Variants in APOL5 observed in about 807,000 individuals in gnomAD.
APOL5 encodes the protein apolipoprotein L5, also known as apolipoprotein L, 5.
In APOL5, 29 loss-of-function variants were observed where a neutral mutation model predicts 35.5. That is an observed-to-expected ratio of 0.82 (90% CI 0.61 to 1.11). The LOEUF (loss-of-function observed/expected upper bound fraction) is 1.11. Among genes scored for constraint, APOL5 ranks in the 50% most tolerant of loss-of-function variants. The pLI is 0.00. For synonymous variants in APOL5, 188 were observed against 200.2 expected (o/e 0.94, Z 0.51); for missense variants, 514 against 530.4 (o/e 0.97, Z 0.30).
At chr22:35,725,011 T>C (rs1927100672) in intron 2 of APOL5, among the ~76,000 whole-genome samples, 1 of 152,184 alleles carries the variant, frequency 6.6e-6, no homozygotes, top group South Asian at 2.1e-4. Flanking sequence ...GTGCTCCTGC[T>C]AAAAACACAC....
chr22:35,725,495 C>T (rs1418488462), intron 2 of APOL5, among the ~76,000 whole-genome samples: 10 of 152,202 alleles, frequency 6.6e-5, no homozygotes, highest in South Asian at 2.1e-4. Context: ...CCCTGTGATC[C>T]GCTCGCCTGG....
intron 2 of APOL5, among the ~76,000 whole-genome samples, chr22:35,723,037 TCAGAAGGCCCCTCCCGCTTCCTC>T (rs1927027744): frequency 6.6e-6 from 1 of 152,064 alleles, no homozygotes; most frequent in South Asian, 2.1e-4. Flanking sequence ...AGGAAGGATG[TCAGAAGGCCCCTCCCGCTTCCTC>T]CAGGAGGGAG....
chr22:35,721,181 T>C lies in APOL5; in HGVS notation c.142+527T>C, dbSNP rs188584163. The stretch of plus-strand genomic sequence containing the variant: ...GTTGCTCATGTTGTCTCATGTGCAA[T>C]TGGAGATATGCAAAAAAGATAAAAT... On this transcript the variant is annotated intron_variant, in intron 2 of 4. Coordinates refer to ENST00000249044, the MANE Select transcript of APOL5 (RefSeq NM_030642.1). Among the ~76,000 whole-genome samples the C allele has an allele frequency of 9.2e-5, 14 of 152,244 alleles. No homozygotes were observed. In the East Asian group the frequency reaches 2.1e-3, roughly 23 times the overall value.
chr22:35,711,209 A>T, the APOL5 span, among the ~76,000 whole-genome samples: 3 of 152,074 alleles, frequency 2.0e-5, no homozygotes, highest in African/African-American at 4.8e-5. Context: ...ACAAACAAAA[A>T]AGACTTCCTT....
intron 2 of APOL5, among the ~76,000 whole-genome samples, chr22:35,725,682 G>A (rs556550202): frequency 2.0e-5 from 3 of 152,268 alleles, no homozygotes; most frequent in African/African-American, 7.2e-5. Context: ...GCGGGTTCCT[G>A]GGTAGAGGCC....
intron 1 of APOL5, among the ~76,000 whole-genome samples, chr22:35,718,367 C>A (rs1026032415): frequency 1.3e-5 from 2 of 152,136 alleles, no homozygotes; most frequent in Non-Finnish European, 2.9e-5. Context: ...CCTGTAATCC[C>A]AACACTTTGG....
At chr22:35,725,523 G>A (rs1927118285) in intron 2 of APOL5, among the ~76,000 whole-genome samples, 1 of 151,704 alleles carries the variant, frequency 6.6e-6, no homozygotes, top group African/African-American at 2.4e-5. Flanking sequence ...AAAATGCTGG[G>A]ATTACAGGCG....
rs561182898 is a variant in APOL5, at chr22:35,726,465, T to A, written c.397T>A (p.Leu133Met). The change falls in exon 3 of 5, where the codon TTG (leucine) becomes ATG (methionine). Residue 133 changes from leucine to methionine, a missense_variant. This residue lies in a region of APOL5 where 254 missense variants were observed against 254.7 expected (regional missense o/e 1.00). Transcript: ENST00000249044. Reference sequence around the variant, plus strand: ...GGACCAAGTTGACACCACTCACGAGTTGCTTACCAAGACCAGCCTGGTGGC... The same window carrying A: ...GGACCAAGTTGACACCACTCACGAGATGCTTACCAAGACCAGCCTGGTGGC... ...LADQVDTTHE[L>M]LTKTSLVASS... is the part of the protein sequence containing the mutation. The A allele has an allele frequency of 1.5e-4, 238 of 1,614,066 alleles. 3 individuals carry two copies. In the South Asian group the frequency reaches 2.5e-3, roughly 17 times the overall value.
intron 2 of APOL5, among the ~76,000 whole-genome samples, 190 bp from the exon 3 acceptor site, chr22:35,726,021 C>A (rs1018694352): frequency 6.6e-6 from 1 of 152,120 alleles, no homozygotes; most frequent in Non-Finnish European, 1.5e-5. Flanking sequence ...TCAGCTTATG[C>A]CCAGAAGAAT....
chr22:35,726,931 C>T lies in APOL5; in HGVS notation c.863C>T (p.Thr288Ile). The T allele has an allele frequency of 6.2e-7, 1 of 1,614,132 alleles. No individual in the cohort carries two copies. Among genetic ancestry groups the T allele is most frequent in the Non-Finnish European group, 8.5e-7 (1 of 1,180,026 alleles). ...RAFEGTTLAM[T>I]NGAWVMGAAG... ...TTTGAGGGCACAACTCTGGCCATGA[C>T]CAATGGTGCCTGGGTGATGGGTGCT... is the stretch of plus-strand genomic sequence containing the variant. The change falls in exon 3 of 5, where the codon ACC (threonine) becomes ATC (isoleucine). Residue 288 changes from threonine to isoleucine, a missense_variant. Around this residue, in one of 3 missense-constraint regions of APOL5, gnomAD observed 238 missense variants for 229.1 expected, o/e 1.04. Transcript: ENST00000249044.
At chr22:35,711,677 T>C in the APOL5 span, among the ~76,000 whole-genome samples, 1 of 141,340 alleles carries the variant, frequency 7.1e-6, no homozygotes, top group East Asian at 2.5e-4. Flanking sequence ...CCTCCCTTCC[T>C]TTCTTCCTTC....
At position 35,726,527 on chromosome 22, in the gene APOL5, C is replaced by A. The variant is rs1927164897; in HGVS notation, c.459C>A (p.Ile153=). 1 of 1,614,084 alleles carries A rather than the reference C, an allele frequency of 6.2e-7. No individual in the cohort carries two copies. The highest frequency in any genetic ancestry group is 8.5e-7 in the Non-Finnish European group (1 of 1,180,042). Residue 153 remains isoleucine, a synonymous_variant, in exon 3 of 5, where the codon ATC becomes ATA. Transcript: ENST00000249044. ...GGGCTGTTTCTGGGGTCATGAACAT[C>A]CTGGGTTTGGCCCTAGCACCTGTGA... is the stretch of plus-strand genomic sequence containing the variant. ...SSGAVSGVMN[I]LGLALAPVTA...
intron 2 of APOL5, among the ~76,000 whole-genome samples, chr22:35,724,202 G>A (rs768492734): frequency 6.6e-6 from 1 of 151,742 alleles, no homozygotes; most frequent in African/African-American, 2.4e-5. Flanking sequence ...GTGGTTGCAT[G>A]CGCCTGTAGT....
At chr22:35,721,638 G>A (rs950840452) in intron 2 of APOL5, among the ~76,000 whole-genome samples, 1 of 152,140 alleles carries the variant, frequency 6.6e-6, no homozygotes, top group Non-Finnish European at 1.5e-5. Flanking sequence ...CCTAGAAGCA[G>A]AATTTGCTGG....
intron 2 of APOL5, among the ~76,000 whole-genome samples, chr22:35,723,629 G>A (rs1927048422): frequency 6.6e-6 from 1 of 152,146 alleles, no homozygotes; most frequent in Non-Finnish European, 1.5e-5. Context: ...GGCCAGAGTA[G>A]ATCTCACTAT....
chr22:35,714,644 C>G (rs1445724470), upstream of APOL5, among the ~76,000 whole-genome samples: 4 of 152,246 alleles, frequency 2.6e-5, no homozygotes, highest in Non-Finnish European at 1.5e-5. Flanking sequence ...CTCCCTGCCT[C>G]TAAAACCAGA....
chr22:35,724,864 G>A (rs1253390380), intron 2 of APOL5, among the ~76,000 whole-genome samples: 1 of 152,178 alleles, frequency 6.6e-6, no homozygotes, highest in Non-Finnish European at 1.5e-5. Context: ...ACCCGCCTCG[G>A]TGTCCCAAAG....
chr22:35,725,518 G>C (rs918626217), intron 2 of APOL5, among the ~76,000 whole-genome samples: 1 of 151,902 alleles, frequency 6.6e-6, no homozygotes, highest in African/African-American at 2.4e-5. Context: ...CTCCCAAAAT[G>C]CTGGGATTAC....
intron 3 of APOL5, among the ~76,000 whole-genome samples, chr22:35,727,626 A>T (rs945885000): frequency 3.3e-5 from 5 of 152,148 alleles, no homozygotes; most frequent in Admixed American, 2.0e-4. Context: ...ACAAGATCAG[A>T]TGAGCCAGTT....
Sources: gnomAD v4.1 joint callset for allele counts (sites outside exome capture counted in the v4.1 genomes callset) on GRCh38, gnomAD v4.1.1 for gene constraint, gnomAD v4.1.1 regional missense constraint, MANE v1.5 for transcripts, NCBI Gene and HGNC (gene_info 2026-07-23, HGNC 2026-07-21) for gene names.